A1CF: variants seen among roughly 807,000 people sequenced by gnomAD.
The protein encoded by A1CF is APOBEC-1 stimulating protein.
Under a neutral mutation model 68.9 loss-of-function variants are expected in A1CF, and 48 were observed. That is an observed-to-expected ratio of 0.70 (90% CI 0.55 to 0.89). The LOEUF (loss-of-function observed/expected upper bound fraction) is 0.89. Ranked by LOEUF, A1CF falls within the 40% of genes least tolerant of loss-of-function variation. The pLI is 0.00. For synonymous variants in A1CF, 272 were observed against 260.4 expected, an observed-to-expected ratio of 1.04 and a Z score of -0.43; for missense variants, 653 against 718.9, an observed-to-expected ratio of 0.91 and a Z score of 1.05.
At chr10:50,859,065 T>A (rs1840617823) in intron 3 of A1CF, among the ~76,000 whole-genome samples, 1 of 152,170 alleles carries the variant, frequency 6.6e-6, no homozygotes. Flanking sequence ...TCATAGTAGT[T>A]TGAATTCAAG....
At position 50,816,251 on chromosome 10, in the gene A1CF, G is replaced by A. The variant is rs766643499; in HGVS notation, c.896C>T (p.Thr299Ile). The change falls in exon 9 of 13, where the codon ACC becomes ATC. Residue 299 changes from threonine (T) to isoleucine (I), a missense_variant. Physicochemically the swap from Thr to Ile is moderately conservative, Grantham distance 89 (BLOSUM62 -1). Transcript: ENST00000373997. ...GTCCTTGTCCACTGGTTTTGCTAGG[G>A]TGACTTCAATGGGGGAACCATCCAG... is the stretch of plus-strand genomic sequence containing the variant. ...KVLDGSPIEV[T>I]LAKPVDKDSY... is the part of the protein sequence containing the mutation. 17 of 1,613,322 alleles carry A rather than the reference G, an allele frequency of 1.1e-5. No individual in the cohort carries two copies. Among genetic ancestry groups the A allele is most frequent in the Non-Finnish European group, 3.4e-6 (4 of 1,179,678 alleles).
chr10:50,809,372 G>C (rs992215942), intron 12 of A1CF, among the ~76,000 whole-genome samples: 1 of 152,172 alleles, frequency 6.6e-6, no homozygotes, highest in Non-Finnish European at 1.5e-5. Context: ...TTGAAGACTG[G>C]AGAGGGAGAA....
chr10:50,820,780 T>A, intron 7 of A1CF, 131 bp from the exon 8 acceptor site: 2 of 579,646 alleles, frequency 3.5e-6, no homozygotes, highest in East Asian at 6.1e-5. Flanking sequence ...AAGGATCTCA[T>A]CAAGAACATT....
rs754576524 is a variant in A1CF, at chr10:50,810,003, A to T, written c.1500T>A (p.Asp500Glu). The stretch of plus-strand genomic sequence containing the variant: ...ATTCGGCTGCATACGTCTTTGCTTC[A>T]TCCACAAAGGCACTCAGCTTTGGAG... Reference protein sequence around the residue: ...FTPPKLSAFVDEAKTYAAEYT... With the variant: ...FTPPKLSAFVEEAKTYAAEYT... Residue 500 changes from aspartate (D) to glutamate (E), a missense_variant, in exon 12 of 13, where the codon GAT (aspartate) becomes GAA (glutamate). By Grantham distance (45) the Asp-to-Glu change is conservative. Transcript: ENST00000373997. 2 of 1,613,944 alleles carry T rather than the reference A, an allele frequency of 1.2e-6. No individual in the cohort carries two copies. The highest frequency in any genetic ancestry group is 8.5e-7 in the Non-Finnish European group (1 of 1,179,904).
At chr10:50,848,588 T>G (rs1403944611) in intron 3 of A1CF, among the ~76,000 whole-genome samples, 1 of 152,194 alleles carries the variant, frequency 6.6e-6, no homozygotes, top group African/African-American at 2.4e-5. Context: ...TTTTCCTGAG[T>G]AGTAATTTCA....
chr10:50,811,420 C>T (rs1327281240), intron 10 of A1CF, among the ~76,000 whole-genome samples: 2 of 152,098 alleles, frequency 1.3e-5, no homozygotes, highest in Non-Finnish European at 2.9e-5. Context: ...TTAGTTTAGT[C>T]TATTAGCTGT....
intron 5 of A1CF, among the ~76,000 whole-genome samples, chr10:50,836,938 C>T (rs1322227259): frequency 6.6e-6 from 1 of 151,998 alleles, no homozygotes; most frequent in Admixed American, 6.6e-5. Context: ...GTTGTCAATC[C>T]TCACCGCTCC....
chr10:50,821,648 G>T (rs1460241193), intron 7 of A1CF, among the ~76,000 whole-genome samples: 1 of 151,674 alleles, frequency 6.6e-6, no homozygotes, highest in Non-Finnish European at 1.5e-5. Flanking sequence ...CGATTCTTCT[G>T]CCTCAGCCTC....
intron 6 of A1CF, among the ~76,000 whole-genome samples, chr10:50,835,762 T>C (rs935931792): frequency 1.3e-5 from 2 of 152,194 alleles, no homozygotes; most frequent in African/African-American, 4.8e-5. Context: ...ACAAAATCTA[T>C]ACACAAAAGT....
intron 2 of A1CF, among the ~76,000 whole-genome samples, chr10:50,860,496 A>G (rs1840694822): frequency 6.6e-6 from 1 of 152,216 alleles, no homozygotes; most frequent in Non-Finnish European, 1.5e-5. Flanking sequence ...CACAGAAGTC[A>G]TCATGCAAAG....
rs2132283949 is a variant in A1CF, at chr10:50,801,959, A to G, written c.*4770T>C. On this transcript the variant is annotated 3_prime_UTR_variant, in exon 13 of 13. Transcript: ENST00000373997. ...CAAATGAGCCTACATATACATTGCT[A>G]TCTATATTAAACCTATGCATTCTAT... 6.6e-6 allele frequency: 1 copy of G among 152,326 alleles called. No homozygotes were observed. Among genetic ancestry groups the G allele is most frequent in the Non-Finnish European group, 1.5e-5 (1 of 68,038 alleles). The allele number at this position is 152,326 out of a possible 1,614,324, so 9.4% of individuals were successfully genotyped here. A position where few individuals can be genotyped will look rare whatever the true frequency, so the allele number is the denominator to read the frequency against.
At chr10:50,858,145 A>G (rs757897468) in intron 3 of A1CF, among the ~76,000 whole-genome samples, 1 of 152,194 alleles carries the variant, frequency 6.6e-6, no homozygotes, top group Non-Finnish European at 1.5e-5. Flanking sequence ...TACTTGAGAA[A>G]GGGAAATAAC....
intron 5 of A1CF, among the ~76,000 whole-genome samples, chr10:50,838,247 A>G (rs1201201325): frequency 6.6e-6 from 1 of 152,126 alleles, no homozygotes; most frequent in Non-Finnish European, 1.5e-5. Flanking sequence ...GCTGTCTCCT[A>G]CGCTTTGCTG....
intron 10 of A1CF, among the ~76,000 whole-genome samples, chr10:50,813,014 AG>A (rs756723296): frequency 1.3e-5 from 2 of 152,220 alleles, no homozygotes; most frequent in East Asian, 3.8e-4. Flanking sequence ...TGAAATTATA[AG>A]GGCTACTTCC....
intron 3 of A1CF, among the ~76,000 whole-genome samples, chr10:50,852,080 A>G (rs868695897): frequency 6.6e-6 from 1 of 152,228 alleles, no homozygotes; most frequent in Non-Finnish European, 1.5e-5. Context: ...TCCAAAGTCC[A>G]CAAGACCTGC....
intron 8 of A1CF, among the ~76,000 whole-genome samples, chr10:50,819,540 T>G (rs1408011743): frequency 6.6e-6 from 1 of 152,224 alleles, no homozygotes; most frequent in Non-Finnish European, 1.5e-5. Context: ...TCTGACACTC[T>G]TTTTTGATTT....
chr10:50,820,467 A>C lies in A1CF; in HGVS notation c.867+85T>G, dbSNP rs960028921. The C allele has an allele frequency of 1.3e-5, 15 of 1,137,660 alleles. No homozygotes were observed. The African/African-American group carries it at 1.4e-4, about 11-fold the overall frequency. 70.5% of individuals were successfully genotyped at this position (1,137,660 alleles called of 1,614,324 possible). ...ATGTCAGAGAAGGCTGGAGTGAGAC[A>C]GGCTTGCAGGACTGTGCTTTTGGAT... On this transcript the variant is annotated intron_variant, in intron 8 of 12. Transcript: ENST00000373997.
At position 50,811,668 on chromosome 10, in the gene A1CF, G is replaced by C. The variant is rs115843625; in HGVS notation, c.1324-492C>G. On this transcript the variant is annotated intron_variant, in intron 10 of 12. Coordinates refer to ENST00000373997, the MANE Select transcript of A1CF (RefSeq NM_014576.4). ...ATAGAATTAAAAAGTTTAATGCTTGGTATTTATCGAGTGTTCCTAGATGGG... is the reference window on the plus strand; with the variant it reads ...ATAGAATTAAAAAGTTTAATGCTTGCTATTTATCGAGTGTTCCTAGATGGG... Among the ~76,000 whole-genome samples, 404 of 152,256 alleles carry C rather than the reference G, an allele frequency of 2.7e-3. 3 individuals carry two copies. The highest frequency in any genetic ancestry group is 8.7e-3 in the African/African-American group (360 of 41,560).
intron 2 of A1CF, among the ~76,000 whole-genome samples, chr10:50,860,573 A>T (rs1434547251): frequency 6.6e-6 from 1 of 152,220 alleles, no homozygotes; most frequent in Non-Finnish European, 1.5e-5. Context: ...TTTTGACTTG[A>T]CGTGGGAAGG....
Sources: allele counts gnomAD v4.1 joint callset (sites outside exome capture counted in the v4.1 genomes callset), GRCh38; gene constraint gnomAD v4.1.1; transcripts MANE v1.5; gene names NCBI Gene and HGNC (gene_info 2026-07-23, HGNC 2026-07-21).